MAP7D2: variants seen among roughly 807,000 people sequenced by gnomAD.
The protein encoded by MAP7D2 is MAP7 domain-containing protein 2.
In MAP7D2, 33 loss-of-function variants were observed where a neutral mutation model predicts 63.5. That is an observed-to-expected ratio of 0.52 (90% CI 0.39 to 0.70). MAP7D2 has a LOEUF of 0.70. Among genes scored for constraint, MAP7D2 ranks in the 30% least tolerant of loss-of-function variants. The pLI, the probability that MAP7D2 is intolerant of heterozygous loss-of-function variation, is 0.00. For synonymous variants in MAP7D2, 224 were observed against 223.7 expected, an observed-to-expected ratio of 1.00 and a Z score of -0.01; for missense variants, 626 against 604.0, an observed-to-expected ratio of 1.04 and a Z score of -0.38.
intron 1 of MAP7D2, among the ~76,000 whole-genome samples, chrX:20,089,845 C>T (rs757100538): frequency 6.3e-5 from 7 of 111,688 alleles, no homozygotes; most frequent in South Asian, 3.8e-4. Flanking sequence ...TCTCCTCCCT[C>T]GTTCCCCCTT....
intron 1 of MAP7D2, among the ~76,000 whole-genome samples, chrX:20,076,433 C>T (rs769900555): frequency 8.9e-6 from 1 of 111,907 alleles, no homozygotes; most frequent in Non-Finnish European, 1.9e-5. Context: ...AGGCCGGGCG[C>T]AGTGGCTCAT....
At chrX:20,100,466 TC>T (rs2066398995) in intron 1 of MAP7D2, among the ~76,000 whole-genome samples, 1 of 111,810 alleles carries the variant, frequency 8.9e-6, no homozygotes, top group Non-Finnish European at 1.9e-5. Flanking sequence ...GAATATGCTA[TC>T]CCATATAACA....
intron 1 of MAP7D2, among the ~76,000 whole-genome samples, chrX:20,091,912 C>T (rs1008703130): frequency 3.9e-4 from 44 of 111,654 alleles, no homozygotes; most frequent in African/African-American, 1.3e-3. Flanking sequence ...CTACCAGTGG[C>T]CAATAGTAAA....
intron 8 of MAP7D2, 141 bp from the exon 9 acceptor site, chrX:20,026,093 G>T: frequency 1.5e-6 from 1 of 650,333 alleles, no homozygotes; most frequent in Non-Finnish European, 2.3e-6. Context: ...ACACTCAAAA[G>T]TCACTAAAGT....
chrX:20,106,100 C>T lies in MAP7D2; in HGVS notation c.130+10650G>A, dbSNP rs61234985. 2.5e-3 allele frequency among the ~76,000 whole-genome samples: 286 copies of T among 112,392 alleles called. 2 individuals are homozygous for T. Among genetic ancestry groups the T allele is most frequent in the African/African-American group, 8.8e-3 (271 of 30,961 alleles). On this transcript the variant is annotated intron_variant, in intron 1 of 16. Coordinates refer to ENST00000379643, the MANE Select transcript of MAP7D2 (RefSeq NM_001168465.2). ...CATGAGGGCAGAGCCCCATGGCCTACTCACTTCTTAAAGGTCCCATCTCTT... is the reference window on the plus strand; with the variant it reads ...CATGAGGGCAGAGCCCCATGGCCTATTCACTTCTTAAAGGTCCCATCTCTT...
In MAP7D2 at chrX:20,056,788, G is replaced by A. The variant is rs1448265833; in HGVS notation, c.376C>T (p.Arg126Trp). The A allele has an allele frequency of 6.6e-6, 8 of 1,208,795 alleles. No homozygotes were observed. Among genetic ancestry groups the A allele is most frequent in the Admixed American group, 2.2e-5 (1 of 46,006 alleles). ...RKQKLREEEERLEAMMRRSLE... is the reference protein window; with the variant it reads ...RKQKLREEEEWLEAMMRRSLE... ...GACCGGCGCATCATCGCCTCCAGCC[G>A]TTCCTACACAGTTCGTGTAAGGCAA... is the stretch of plus-strand genomic sequence containing the variant. Residue 126 changes from arginine to tryptophan, a missense_variant, in exon 4 of 17, where the codon CGG becomes TGG. Transcript: ENST00000379643.
chrX:20,061,507 G>A (rs1403585174), intron 3 of MAP7D2, among the ~76,000 whole-genome samples: 1 of 112,494 alleles, frequency 8.9e-6, no homozygotes, highest in Middle Eastern at 4.6e-3. Flanking sequence ...GCCCTGCCCT[G>A]CTGTGCCCAG....
chrX:20,039,590 T>C (rs1027598389), intron 8 of MAP7D2, among the ~76,000 whole-genome samples: 2 of 111,665 alleles, frequency 1.8e-5, no homozygotes, highest in Non-Finnish European at 3.8e-5. Context: ...TGCAAAGTAT[T>C]GTTCCTGGGT....
chrX:20,040,356 C>T (rs2064622043), intron 8 of MAP7D2, among the ~76,000 whole-genome samples: 1 of 112,006 alleles, frequency 8.9e-6, no homozygotes, highest in African/African-American at 3.2e-5. Flanking sequence ...CTAACACAGG[C>T]TGTTTCCCTT....
At chrX:20,115,622 T>C (rs746243345) in intron 1 of MAP7D2, among the ~76,000 whole-genome samples, 1 of 111,456 alleles carries the variant, frequency 9.0e-6, no homozygotes, top group African/African-American at 3.3e-5. Flanking sequence ...AAACTGGAAA[T>C]GATTTAAGCT....
chrX:20,076,970 G>C, intron 1 of MAP7D2, among the ~76,000 whole-genome samples: 1 of 112,468 alleles, frequency 8.9e-6, no homozygotes, highest in South Asian at 3.6e-4. Context: ...CTAAGAGAAG[G>C]GCCATTTTCC....
chrX:20,082,651 C>T (rs748569580), intron 1 of MAP7D2, among the ~76,000 whole-genome samples: 12 of 111,818 alleles, frequency 1.1e-4, no homozygotes, highest in Non-Finnish European at 1.5e-4. Flanking sequence ...TTTTTTGAGA[C>T]GGAGTCTCGC....
At chrX:20,045,147 G>A (rs1390428358) in intron 6 of MAP7D2, among the ~76,000 whole-genome samples, 1 of 111,170 alleles carries the variant, frequency 9.0e-6, no homozygotes, top group African/African-American at 3.3e-5. Flanking sequence ...GTTGGTAGAG[G>A]AATTAAGCTC....
rs2065272267 is a variant in MAP7D2, at chrX:20,063,471, C to T, written c.315G>A (p.Glu105=). 8.3e-7 allele frequency: 1 copy of T among 1,211,836 alleles called. No homozygotes were observed. ...WRKLEEQRQR[E]DQKRAAVEEK... is the part of the protein sequence containing the mutation. ...CTTCCACAGCAGCTCTCTTTTGGTC[C>T]TCCCGCTGCCGCTGCTCTTCCAGTT... is the stretch of plus-strand genomic sequence containing the variant. Residue 105 remains glutamate (E), a synonymous_variant, in exon 3 of 17, where the codon GAG becomes GAA. Transcript: ENST00000379643.
In MAP7D2 at chrX:20,050,966, G is replaced by A. The variant is rs1466118872; in HGVS notation, c.596-20C>T. The A allele has an allele frequency of 1.8e-6, 2 of 1,114,637 alleles. No homozygotes were observed. The highest frequency in any genetic ancestry group is 2.4e-6 in the Non-Finnish European group (2 of 850,505). The allele number at this position is 1,114,637 out of a possible 1,213,427, so 91.9% of individuals were successfully genotyped here. A position where few individuals can be genotyped will look rare whatever the true frequency, so the allele number is the denominator to read the frequency against. ...GATGAGCTGAGGGATGGAATCAAAT[G>A]AAAATTTTAAAAAGCAAAATTAAAA... On this transcript the variant is annotated intron_variant, in intron 5 of 16. Transcript: ENST00000379643.
intron 10 of MAP7D2, among the ~76,000 whole-genome samples, chrX:20,017,889 T>C (rs141016023): frequency 6.0e-4 from 67 of 111,499 alleles, no homozygotes; most frequent in African/African-American, 1.9e-3. Flanking sequence ...AAAGGATACA[T>C]TGTGTATTAA....
At chrX:20,050,645 G>A (rs1486299716) in intron 6 of MAP7D2, among the ~76,000 whole-genome samples, 179 bp downstream of exon 6, 2 of 112,566 alleles carry the variant, frequency 1.8e-5, no homozygotes, top group Non-Finnish European at 1.9e-5. Flanking sequence ...ACTCACCTCT[G>A]TGACACTCAA....
intron 7 of MAP7D2, 76 bp from the exon 8 acceptor site, chrX:20,042,705 G>C: frequency 3.6e-6 from 4 of 1,110,441 alleles, no homozygotes; most frequent in Non-Finnish European, 4.9e-6. Context: ...ACCCCAGATG[G>C]AACAATGCAC....
chrX:20,036,028 G>A (rs932719580), intron 8 of MAP7D2, among the ~76,000 whole-genome samples: 3 of 109,870 alleles, frequency 2.7e-5, no homozygotes, highest in African/African-American at 1.0e-4. Context: ...GTGAACTAAT[G>A]CAGAAACAGA....
Sources: gnomAD v4.1 joint callset for allele counts (sites outside exome capture counted in the v4.1 genomes callset) on GRCh38, gnomAD v4.1.1 for gene constraint, MANE v1.5 for transcripts, NCBI Gene and HGNC (gene_info 2026-07-23, HGNC 2026-07-21) for gene names.